FERMT1: variants seen among roughly 807,000 people sequenced by gnomAD.
FERMT1 encodes FERM domain containing kindlin 1, also known as fermitin family homolog 1.
A neutral mutation model predicts 85.3 loss-of-function variants in FERMT1; 60 were observed. The ratio of observed to expected loss-of-function variants is 0.70; its 90% CI spans 0.57 to 0.87. The LOEUF (loss-of-function observed/expected upper bound fraction) is 0.87. Ranked by LOEUF, FERMT1 falls within the 40% of genes least tolerant of loss-of-function variation. The pLI is 0.00. For missense variants in FERMT1, 701 were observed against 818.9 expected, an observed-to-expected ratio of 0.86 and a Z score of 1.76; for synonymous variants, 275 against 301.1, an observed-to-expected ratio of 0.91 and a Z score of 0.90.
chr20:6,109,481 G>A (rs916319502), intron 5 of FERMT1, among the ~76,000 whole-genome samples: 19 of 152,226 alleles, frequency 1.2e-4, no homozygotes, highest in African/African-American at 4.6e-4. Flanking sequence ...TGCTGTTGAC[G>A]AGTTTGACTT....
intron 9 of FERMT1, among the ~76,000 whole-genome samples, chr20:6,091,973 G>C (rs1171681587): frequency 6.9e-6 from 1 of 145,112 alleles, no homozygotes; most frequent in Non-Finnish European, 1.5e-5. Flanking sequence ...GTTTCACTCT[G>C]TTGCCCAGAC....
rs1341917338 is a variant in FERMT1 at position 6,076,236 on chromosome 20, A to C, written c.*937T>G. On this transcript the variant is annotated 3_prime_UTR_variant, in exon 15 of 15. Coordinates refer to ENST00000217289, the MANE Select transcript of FERMT1 (RefSeq NM_017671.5). The stretch of plus-strand genomic sequence containing the variant: ...GACCTTGGACATGGTGGTCTTTGAG[A>C]ATGGGTCTGCCCTTCTCTCCCTGAC... 1.6e-5 allele frequency: 5 copies of C among 320,486 alleles called. No homozygotes were observed. The East Asian group carries it at 4.1e-4, about 26-fold the overall frequency. The allele number at this position is 320,486 out of a possible 1,614,324, so 19.9% of individuals were successfully genotyped here.
At chr20:6,093,562 A>G (rs537899824) in intron 9 of FERMT1, among the ~76,000 whole-genome samples, 1 of 152,338 alleles carries the variant, frequency 6.6e-6, no homozygotes, top group African/African-American at 2.4e-5. Flanking sequence ...ATACTTTATT[A>G]AGATGTACTT....
At chr20:6,084,271 C>T (rs2123098749) in intron 12 of FERMT1, 107 bp from the exon 13 acceptor site, 1 of 1,233,390 alleles carries the variant, frequency 8.1e-7, no homozygotes, top group Non-Finnish European at 1.2e-6. Context: ...GGTCCGTCTG[C>T]AGCTCTACAA....
In FERMT1 at chr20:6,097,042, A is replaced by G. The variant is rs758629471; in HGVS notation, c.958-9T>C. The G allele has an allele frequency of 2.5e-6, 4 of 1,612,590 alleles. No homozygotes were observed. In the East Asian group the frequency reaches 8.9e-5, roughly 36 times the overall value. On this transcript the variant is annotated splice_polypyrimidine_tract_variant and intron_variant, in intron 7 of 14. Coordinates refer to ENST00000217289, the MANE Select transcript of FERMT1 (RefSeq NM_017671.5). ...AGTTTGCTAATGTGGTACTAAAATG[A>G]AAACAGACGTTTTAGAAATGTTATA...
intron 6 of FERMT1, among the ~76,000 whole-genome samples, chr20:6,103,372 T>TA (rs754745707): frequency 2.0e-4 from 30 of 152,314 alleles, no homozygotes; most frequent in Middle Eastern, 3.4e-3. Flanking sequence ...AACAATATAA[T>TA]AACCGCCCCT....
At position 6,094,863 on chromosome 20, in the gene FERMT1, T is replaced by C. The variant is rs2144938; in HGVS notation, c.1139+76A>G. Reference sequence around the variant, plus strand: ...ACCATGAACCTGCCTCAGGGATATATAATTTAAACTCCTGCACTCTTTATC... The same window carrying C: ...ACCATGAACCTGCCTCAGGGATATACAATTTAAACTCCTGCACTCTTTATC... On this transcript the variant is annotated intron_variant, in intron 9 of 14. Transcript: ENST00000217289. The C allele has an allele frequency of 0.093, 80,929 of 869,190 alleles. 7,979 individuals carry two copies. The highest frequency in any genetic ancestry group is 0.49 in the East Asian group (20,135 of 41,416). 53.8% of individuals were successfully genotyped at this position (869,190 alleles called of 1,614,324 possible).
At chr20:6,121,034 T>A (rs1460029396) in intron 1 of FERMT1, among the ~76,000 whole-genome samples, 2 of 152,228 alleles carry the variant, frequency 1.3e-5, no homozygotes, top group African/African-American at 2.4e-5. Context: ...ACAGATAAAT[T>A]GAATACTGCA....
chr20:6,112,634 A>T lies in FERMT1; in HGVS notation c.386-11T>A. Reference sequence around the variant, plus strand: ...CTGATCTTCTAATATCTAGAAATAAATATTTTTTAAAAATGAAGAAAAAGT... The same window carrying T: ...CTGATCTTCTAATATCTAGAAATAATTATTTTTTAAAAATGAAGAAAAAGT... On this transcript the variant is annotated splice_polypyrimidine_tract_variant and intron_variant, in intron 3 of 14. Transcript: ENST00000217289. 6.6e-7 allele frequency: 1 copy of T among 1,505,024 alleles called. No individual in the cohort carries two copies. Among genetic ancestry groups the T allele is most frequent in the Non-Finnish European group, 9.0e-7 (1 of 1,116,604 alleles). The allele number at this position is 1,505,024 out of a possible 1,614,324, so 93.2% of individuals were successfully genotyped here. A position where few individuals can be genotyped will look rare whatever the true frequency, so the allele number is the denominator to read the frequency against.
intron 6 of FERMT1, among the ~76,000 whole-genome samples, chr20:6,100,393 A>G (rs1195026165): frequency 6.6e-6 from 1 of 152,312 alleles, no homozygotes; most frequent in South Asian, 2.1e-4. Flanking sequence ...TTTCCAGAAT[A>G]GGCAAATCCA....
chr20:6,107,821 A>G (rs1982840647), intron 5 of FERMT1, among the ~76,000 whole-genome samples, 187 bp from the exon 6 acceptor site: 1 of 152,148 alleles, frequency 6.6e-6, no homozygotes, highest in African/African-American at 2.4e-5. Context: ...CTGAGCACTG[A>G]CCTGAGGCTC....
intron 12 of FERMT1, 143 bp downstream of exon 12, chr20:6,084,923 C>T: frequency 1.4e-6 from 1 of 735,390 alleles, no homozygotes; most frequent in East Asian, 2.7e-5. Context: ...GAACTCCCAA[C>T]TTCAAGTGAC....
chr20:6,122,479 C>T (rs1409368622), intron 1 of FERMT1, among the ~76,000 whole-genome samples: 1 of 152,174 alleles, frequency 6.6e-6, no homozygotes, highest in Non-Finnish European at 1.5e-5. Context: ...TGTTCGAAGG[C>T]CACCCGACCT....
intron 11 of FERMT1, among the ~76,000 whole-genome samples, chr20:6,087,335 G>C (rs113534009): frequency 1.3e-5 from 2 of 152,282 alleles, no homozygotes; most frequent in African/African-American, 4.8e-5. Context: ...TGGGGGAACA[G>C]AGTCTTGCTC....
intron 6 of FERMT1, among the ~76,000 whole-genome samples, chr20:6,103,126 G>C (rs892811912): frequency 3.3e-5 from 5 of 152,170 alleles, no homozygotes; most frequent in Admixed American, 2.6e-4. Context: ...GAATGAATTT[G>C]AAAGGGACAA....
At chr20:6,113,597 C>A (rs191927071) in intron 3 of FERMT1, among the ~76,000 whole-genome samples, 5 of 152,202 alleles carry the variant, frequency 3.3e-5, no homozygotes, top group Admixed American at 3.3e-4. Flanking sequence ...ATCTTTCTGC[C>A]AGAGGCTTTG....
intron 3 of FERMT1, among the ~76,000 whole-genome samples, chr20:6,113,571 G>A (rs947251626): frequency 5.9e-5 from 9 of 152,078 alleles, no homozygotes; most frequent in East Asian, 1.9e-4. Context: ...GGCTTCTGGC[G>A]GAATCTAGAC....
rs942947229 is a variant in FERMT1 at position 6,076,784 on chromosome 20, G to A, written c.*389C>T. The A allele has an allele frequency of 2.9e-6, 1 of 341,018 alleles. No homozygotes were observed. Among genetic ancestry groups the A allele is most frequent in the Non-Finnish European group, 5.7e-6 (1 of 176,140 alleles). 21.1% of individuals were successfully genotyped at this position (341,018 alleles called of 1,614,324 possible). A position where few individuals can be genotyped will look rare whatever the true frequency, so the allele number is the denominator to read the frequency against. Reference sequence around the variant, plus strand: ...GAAATAAGAGTTGTTCTTGCTACACGTGATTTTTACCTTTCTGTCTTCTCC... The same window carrying A: ...GAAATAAGAGTTGTTCTTGCTACACATGATTTTTACCTTTCTGTCTTCTCC... On this transcript the variant is annotated 3_prime_UTR_variant, in exon 15 of 15. Coordinates refer to ENST00000217289, the MANE Select transcript of FERMT1 (RefSeq NM_017671.5).
intron 1 of FERMT1, among the ~76,000 whole-genome samples, 159 bp from the exon 2 acceptor site, chr20:6,119,731 G>C (rs2123158486): frequency 6.6e-6 from 1 of 152,176 alleles, no homozygotes; most frequent in South Asian, 2.1e-4. Context: ...ATCAAATTTG[G>C]CATCTTAACT....
Sources: allele counts gnomAD v4.1 joint callset (sites outside exome capture counted in the v4.1 genomes callset), GRCh38; gene constraint gnomAD v4.1.1; transcripts MANE v1.5; gene names NCBI Gene and HGNC (gene_info 2026-07-23, HGNC 2026-07-21).